Variants in MEMO1 observed in about 807,000 individuals in gnomAD.
The protein encoded by MEMO1 is mediator of cell motility 1.
In MEMO1, 6 loss-of-function variants were observed where a neutral mutation model predicts 45.2. That is an observed-to-expected ratio of 0.13 (90% CI 0.07 to 0.26). The LOEUF is 0.26. Ranked by LOEUF, MEMO1 falls within the 10% of genes least tolerant of loss-of-function variation. MEMO1 has a pLI of 1.00. For missense variants in MEMO1, 184 were observed against 370.5 expected (o/e 0.50, Z 4.13); for synonymous variants, 78 against 124.3 (o/e 0.63, Z 2.48).
intron 4 of MEMO1, among the ~76,000 whole-genome samples, chr2:31,931,547 G>A (rs1664173431): frequency 6.7e-6 from 1 of 149,758 alleles, no homozygotes; most frequent in Admixed American, 6.6e-5. Context: ...AAGTTCCCAG[G>A]AAGTTTTTTT....
chr2:31,996,447 G>C (rs1672629676), intron 2 of MEMO1, among the ~76,000 whole-genome samples: 1 of 152,102 alleles, frequency 6.6e-6, no homozygotes, highest in African/African-American at 2.4e-5. Flanking sequence ...GGGAGGCTAA[G>C]GCAGGAGAAT....
chr2:31,989,499 A>C (rs1671681642), intron 2 of MEMO1, among the ~76,000 whole-genome samples: 1 of 151,990 alleles, frequency 6.6e-6, no homozygotes, highest in South Asian at 2.1e-4. Flanking sequence ...TTTCCAACTG[A>C]CTAATGCATG....
chr2:31,878,213 G>C (rs1010444792), intron 8 of MEMO1, among the ~76,000 whole-genome samples: 1 of 152,096 alleles, frequency 6.6e-6, no homozygotes, highest in African/African-American at 2.4e-5. Context: ...TGTGTCCACG[G>C]TAGAGTGAAG....
intron 4 of MEMO1, among the ~76,000 whole-genome samples, chr2:31,928,675 A>G (rs377222688): frequency 1.3e-5 from 2 of 152,120 alleles, no homozygotes; most frequent in African/African-American, 4.8e-5. Flanking sequence ...TCATTTTTGC[A>G]CAAATGCTTT....
At chr2:31,925,492 A>AAAG (rs1682963600) in intron 4 of MEMO1, among the ~76,000 whole-genome samples, 4 of 133,846 alleles carry the variant, frequency 3.0e-5, no homozygotes, top group African/African-American at 1.0e-4. Context: ...AAAAAAAAAA[A>AAAG]AAAAAAATCT....
intron 2 of MEMO1, among the ~76,000 whole-genome samples, chr2:31,951,963 A>G (rs1175113314): frequency 1.3e-5 from 2 of 152,162 alleles, no homozygotes; most frequent in African/African-American, 2.4e-5. Context: ...TCCTATTTTT[A>G]GATATATCTC....
chr2:31,970,727 G>A (rs544432364), intron 2 of MEMO1, among the ~76,000 whole-genome samples: 21 of 152,146 alleles, frequency 1.4e-4, no homozygotes, highest in African/African-American at 4.8e-4. Context: ...ATATTCAGCC[G>A]GCACGGTGGC....
chr2:31,916,952 A>C (rs1414445056), intron 6 of MEMO1, among the ~76,000 whole-genome samples: 1 of 152,212 alleles, frequency 6.6e-6, no homozygotes, highest in African/African-American at 2.4e-5. Flanking sequence ...AAAAAGAAAT[A>C]ACCACACAAA....
chr2:31,900,630 T>G (rs1008441231), intron 6 of MEMO1, among the ~76,000 whole-genome samples: 3 of 151,890 alleles, frequency 2.0e-5, no homozygotes, highest in East Asian at 1.9e-4. Flanking sequence ...TGTATAACTA[T>G]GTAACAAACC....
At chr2:32,000,268 T>C (rs1276273404) in intron 2 of MEMO1, among the ~76,000 whole-genome samples, 1 of 151,742 alleles carries the variant, frequency 6.6e-6, no homozygotes, top group African/African-American at 2.4e-5. Flanking sequence ...TCACTCTTGT[T>C]GCCCAGACTG....
intron 7 of MEMO1, among the ~76,000 whole-genome samples, chr2:31,887,005 GA>G (rs1483719610): frequency 2.0e-5 from 3 of 151,994 alleles, no homozygotes; most frequent in Non-Finnish European, 4.4e-5. Flanking sequence ...AATAACCCAA[GA>G]AAAAAATCCT....
At chr2:31,960,496 A>G (rs1472968229) in intron 2 of MEMO1, among the ~76,000 whole-genome samples, 1 of 152,224 alleles carries the variant, frequency 6.6e-6, no homozygotes, top group Non-Finnish European at 1.5e-5. Flanking sequence ...ATTAAGAACT[A>G]TTTGTAACTA....
chr2:31,887,085 T>C (rs1676290039), intron 7 of MEMO1, among the ~76,000 whole-genome samples: 1 of 152,216 alleles, frequency 6.6e-6, no homozygotes, highest in African/African-American at 2.4e-5. Flanking sequence ...CAGAGCACGC[T>C]TTCTGAGAAA....
At chr2:31,999,393 T>A (rs1672990477) in intron 2 of MEMO1, among the ~76,000 whole-genome samples, 1 of 152,158 alleles carries the variant, frequency 6.6e-6, no homozygotes, top group East Asian at 1.9e-4. Context: ...CTAGGCACAG[T>A]GGCTCATACC....
At chr2:31,924,850 G>A (rs1034639677) in intron 4 of MEMO1, among the ~76,000 whole-genome samples, 2 of 152,076 alleles carry the variant, frequency 1.3e-5, no homozygotes, top group East Asian at 3.8e-4. Flanking sequence ...TTTAATAATA[G>A]TCAACTACCA....
intron 6 of MEMO1, among the ~76,000 whole-genome samples, chr2:31,914,567 A>T (rs1035211577): frequency 1.3e-5 from 2 of 152,166 alleles, no homozygotes; most frequent in South Asian, 4.1e-4. Flanking sequence ...TGATTATTTT[A>T]CACTGCATGA....
At chr2:31,881,220 T>C (rs1675311465) in intron 8 of MEMO1, among the ~76,000 whole-genome samples, 1 of 152,042 alleles carries the variant, frequency 6.6e-6, no homozygotes, top group African/African-American at 2.4e-5. Flanking sequence ...CCAGGTGCAG[T>C]GGCTCATGCC....
chr2:32,003,925 C>T (rs1354806405), intron 2 of MEMO1, among the ~76,000 whole-genome samples: 1 of 152,258 alleles, frequency 6.6e-6, no homozygotes, highest in African/African-American at 2.4e-5. Flanking sequence ...TGATGGCGCA[C>T]ATCTGTAGTT....
rs1466368499 is a variant in MEMO1, at chr2:32,006,567, C to T, written c.61+3620G>A. On this transcript the variant is annotated intron_variant, in intron 2 of 9. Transcript: ENST00000404530. ...TAAACAACCCATTAAATATTAACAA[C>T]CATTCTTAGCTACTGGACCTTACCA... is the stretch of plus-strand genomic sequence containing the variant. Among the ~76,000 whole-genome samples the T allele has an allele frequency of 2.0e-5, 3 of 151,162 alleles. No homozygotes were observed. In the South Asian group the frequency reaches 6.3e-4, roughly 32 times the overall value.
Sources: gnomAD v4.1 joint callset for allele counts (sites outside exome capture counted in the v4.1 genomes callset) on GRCh38, gnomAD v4.1.1 for gene constraint, MANE v1.5 for transcripts, NCBI Gene and HGNC (gene_info 2026-07-23, HGNC 2026-07-21) for gene names.